ALK: variants seen among roughly 807,000 people sequenced by gnomAD.
ALK encodes ALK tyrosine kinase receptor.
A neutral mutation model predicts 163.1 loss-of-function variants in ALK; 74 were observed. That is an observed-to-expected ratio of 0.45 (90% CI 0.38 to 0.55). ALK has a LOEUF of 0.55. Among genes scored for constraint, ALK ranks in the 20% least tolerant of loss-of-function variants. The pLI, the probability that ALK is intolerant of heterozygous loss-of-function variation, is 0.00. For synonymous variants in ALK, 960 were observed against 843.2 expected (o/e 1.14, Z -2.40); for missense variants, 2,063 against 2,105.3 (o/e 0.98, Z 0.39).
intron 4 of ALK, among the ~76,000 whole-genome samples, chr2:29,480,788 C>CT (rs1227264072): frequency 4.5e-5 from 2 of 43,962 alleles, no homozygotes; most frequent in African/African-American, 1.8e-4. Flanking sequence ...GAACAGACAT[C>CT]TTAAAAAAAA....
intron 1 of ALK, among the ~76,000 whole-genome samples, chr2:29,818,808 C>G (rs1349865128): frequency 6.6e-6 from 1 of 152,204 alleles, no homozygotes; most frequent in Non-Finnish European, 1.5e-5. Flanking sequence ...AGCTTGACAC[C>G]TAGGGTCTTG....
chr2:29,342,850 A>G (rs1667833403), intron 5 of ALK, among the ~76,000 whole-genome samples: 1 of 148,344 alleles, frequency 6.7e-6, no homozygotes, highest in South Asian at 2.2e-4. Flanking sequence ...CTCTGAGCTA[A>G]CCCGACACGG....
At chr2:29,627,028 G>A (rs1676212451) in intron 3 of ALK, among the ~76,000 whole-genome samples, 1 of 152,104 alleles carries the variant, frequency 6.6e-6, no homozygotes, top group Non-Finnish European at 1.5e-5. Flanking sequence ...TAGGAGCCTG[G>A]TTGCAGTTTC....
At chr2:29,836,087 C>A (rs773444621) in intron 1 of ALK, among the ~76,000 whole-genome samples, 3 of 152,126 alleles carry the variant, frequency 2.0e-5, no homozygotes, top group Non-Finnish European at 4.4e-5. Flanking sequence ...CATAACTCAG[C>A]TTCTTCCCTT....
chr2:29,690,491 G>A (rs1412749705), intron 3 of ALK, among the ~76,000 whole-genome samples: 1 of 152,108 alleles, frequency 6.6e-6, no homozygotes, highest in African/African-American at 2.4e-5. Flanking sequence ...ATGCTACAGA[G>A]TAAAATCTTG....
intron 3 of ALK, among the ~76,000 whole-genome samples, chr2:29,570,477 A>G (rs938553676): frequency 8.5e-5 from 13 of 152,242 alleles, no homozygotes; most frequent in African/African-American, 3.1e-4. Flanking sequence ...AGAGGGAAAC[A>G]TTAGAACAGA....
intron 2 of ALK, among the ~76,000 whole-genome samples, chr2:29,716,994 TCCAAAAAAAAAAAAA>T (rs1483178530): frequency 4.1e-5 from 4 of 98,612 alleles, no homozygotes; most frequent in African/African-American, 1.7e-4. Flanking sequence ...CTACCAAAAA[TCCAAAAAAAAAAAAA>T]AAAAAAAAAA....
rs1573561737 is a variant in ALK at position 29,694,876 on chromosome 2, G to GC, written c.925dup (p.Ala309GlyfsTer5). 1 of 1,613,942 alleles carries GC rather than the reference G, an allele frequency of 6.2e-7. No individual in the cohort carries two copies. The highest frequency in any genetic ancestry group is 8.5e-7 in the Non-Finnish European group (1 of 1,179,952). On this transcript the variant is annotated frameshift_variant, in exon 3 of 29. Transcript: ENST00000389048. LOFTEE classifies it high-confidence loss of function. ...TCTGGGCATCTCCTTAGAACGCTCTGCCCCAGGCCCATCCAGCAAGTCCAT... is the reference window on the plus strand; with the variant it reads ...TCTGGGCATCTCCTTAGAACGCTCTGCCCCCAGGCCCATCCAGCAAGTCCAT...
chr2:29,367,481 A>G (rs1302319546), intron 5 of ALK, among the ~76,000 whole-genome samples: 2 of 152,232 alleles, frequency 1.3e-5, no homozygotes, highest in African/African-American at 4.8e-5. Flanking sequence ...GTTAAATTAT[A>G]TGACTCTTGT....
At chr2:29,532,142 C>T (rs1673138451) in intron 3 of ALK, 26 bp from the exon 4 acceptor site, 1 of 1,608,978 alleles carries the variant, frequency 6.2e-7, no homozygotes, top group Non-Finnish European at 8.5e-7. Context: ...GAAAACGAAT[C>T]TGCAGATGTG....
intron 4 of ALK, among the ~76,000 whole-genome samples, chr2:29,503,311 T>G (rs767184035): frequency 2.2e-4 from 34 of 152,234 alleles, no homozygotes; most frequent in Admixed American, 1.3e-3. Flanking sequence ...TCTGGTCTAT[T>G]GGATTTATAT....
chr2:29,618,660 A>G (rs1675931060), intron 3 of ALK, among the ~76,000 whole-genome samples: 1 of 152,028 alleles, frequency 6.6e-6, no homozygotes, highest in South Asian at 2.1e-4. Flanking sequence ...GGTGGCTACT[A>G]CCCGTGATAT....
chr2:29,902,865 C>T (rs915458835), intron 1 of ALK, among the ~76,000 whole-genome samples: 1 of 152,186 alleles, frequency 6.6e-6, no homozygotes, highest in African/African-American at 2.4e-5. Context: ...TAAGCTCACA[C>T]CATCTAGTAT....
Position 29,196,878 on chromosome 2 carries a change from T to C in ALK, c.4074-18A>G, listed in dbSNP as rs762451914. Reference sequence around the variant, plus strand: ...TCCGGTATCTAAAAGAAGAAGCACATTAATTAAAATAAGGAGAAGCACAAT... The same window carrying C: ...TCCGGTATCTAAAAGAAGAAGCACACTAATTAAAATAAGGAGAAGCACAAT... On this transcript the variant is annotated intron_variant, in intron 27 of 28. Transcript: ENST00000389048. 2.5e-6 allele frequency: 4 copies of C among 1,574,890 alleles called. No homozygotes were observed. In the South Asian group the frequency reaches 4.4e-5, roughly 17 times the overall value.
At chr2:29,905,317 T>C (rs1374331721) in intron 1 of ALK, among the ~76,000 whole-genome samples, 2 of 152,244 alleles carry the variant, frequency 1.3e-5, no homozygotes, top group Admixed American at 1.3e-4. Flanking sequence ...TAGACTTAAG[T>C]CTAAACTATG....
intron 1 of ALK, among the ~76,000 whole-genome samples, chr2:29,824,412 G>T (rs1220839573): frequency 1.3e-5 from 2 of 152,196 alleles, no homozygotes; most frequent in African/African-American, 4.8e-5. Flanking sequence ...TAAATCCACT[G>T]ACAGCTTGCA....
intron 1 of ALK, among the ~76,000 whole-genome samples, chr2:29,770,856 C>A (rs919067990): frequency 6.6e-6 from 1 of 151,990 alleles, no homozygotes; most frequent in Non-Finnish European, 1.5e-5. Flanking sequence ...CACAGTCACA[C>A]ACACAGTCTC....
intron 1 of ALK, among the ~76,000 whole-genome samples, chr2:29,726,763 C>A (rs1679588047): frequency 6.6e-6 from 1 of 152,182 alleles, no homozygotes; most frequent in Admixed American, 6.5e-5. Context: ...CTTAGGGCTC[C>A]CTGATGCCTT....
At chr2:29,564,949 C>T (rs931498993) in intron 3 of ALK, among the ~76,000 whole-genome samples, 13 of 152,194 alleles carry the variant, frequency 8.5e-5, no homozygotes, top group South Asian at 8.3e-4. Context: ...AGGGCATTCA[C>T]TAGAATACCC....
Sources: allele counts gnomAD v4.1 joint callset (sites outside exome capture counted in the v4.1 genomes callset), GRCh38; gene constraint gnomAD v4.1.1; transcripts MANE v1.5; gene names NCBI Gene and HGNC (gene_info 2026-07-23, HGNC 2026-07-21).